NBAS: variants seen among roughly 807,000 people sequenced by gnomAD.
The protein encoded by NBAS is NAG/BC035112 fusion.
A neutral mutation model predicts 302.5 loss-of-function variants in NBAS; 219 were observed. That is an observed-to-expected ratio of 0.72 (90% CI 0.65 to 0.81). The LOEUF (loss-of-function observed/expected upper bound fraction) is 0.81. Ranked by LOEUF, NBAS falls within the 30% of genes least tolerant of loss-of-function variation. NBAS has a pLI of 0.00. For synonymous variants in NBAS, 1,118 were observed against 1,021.6 expected, an observed-to-expected ratio of 1.09 and a Z score of -1.80; for missense variants, 2,932 against 2,841.6, an observed-to-expected ratio of 1.03 and a Z score of -0.72.
chr2:14,926,292 A>G, the NBAS span, among the ~76,000 whole-genome samples: 1 of 152,074 alleles, frequency 6.6e-6, no homozygotes, highest in African/African-American at 2.4e-5. Flanking sequence ...CCCTTCTATC[A>G]CACACTTACT....
At chr2:15,277,973 C>T (rs1669662621) in intron 42 of NBAS, among the ~76,000 whole-genome samples, 1 of 152,098 alleles carries the variant, frequency 6.6e-6, no homozygotes, top group Non-Finnish European at 1.5e-5. Context: ...CCTGCATTCA[C>T]AGAAGTACCC....
At chr2:14,780,329 T>C in the NBAS span, among the ~76,000 whole-genome samples, 1 of 152,236 alleles carries the variant, frequency 6.6e-6, no homozygotes, top group African/African-American at 2.4e-5. Context: ...GTAATTGCTA[T>C]TTATGCAGCA....
chr2:15,224,428 G>T (rs1667075014), intron 47 of NBAS, among the ~76,000 whole-genome samples: 1 of 152,186 alleles, frequency 6.6e-6, no homozygotes, highest in Non-Finnish European at 1.5e-5. Flanking sequence ...ACACATTTGA[G>T]ATTTCTTGTA....
chr2:15,534,421 G>T, intron 9 of NBAS, 122 bp downstream of exon 9: 1 of 786,962 alleles, frequency 1.3e-6, no homozygotes, highest in South Asian at 1.4e-5. Flanking sequence ...AGATATTAAA[G>T]ATAACTACGC....
chr2:15,130,873 G>T, the NBAS span, among the ~76,000 whole-genome samples: 1 of 152,150 alleles, frequency 6.6e-6, no homozygotes, highest in Non-Finnish European at 1.5e-5. Context: ...CTCCACAGTG[G>T]TACGTGTCTC....
At chr2:15,502,780 T>C (rs1661641192) in intron 11 of NBAS, among the ~76,000 whole-genome samples, 1 of 152,212 alleles carries the variant, frequency 6.6e-6, no homozygotes, top group Non-Finnish European at 1.5e-5. Flanking sequence ...AGAAACACTG[T>C]ACACTTAGGC....
At chr2:15,165,566 G>T (rs1202371386), downstream of NBAS, among the ~76,000 whole-genome samples, 1 of 152,220 alleles carries the variant, frequency 6.6e-6, no homozygotes, top group Non-Finnish European at 1.5e-5. Context: ...GCGGAAATGA[G>T]GTGAAGCCGA....
chr2:15,503,074 G>T (rs1442194567), intron 11 of NBAS, among the ~76,000 whole-genome samples: 1 of 152,018 alleles, frequency 6.6e-6, no homozygotes, highest in African/African-American at 2.4e-5. Flanking sequence ...GGCCAACACA[G>T]GGTCAGGATC....
chr2:15,117,195 C>T, the NBAS span, among the ~76,000 whole-genome samples: 2 of 152,150 alleles, frequency 1.3e-5, no homozygotes, highest in East Asian at 1.9e-4. Context: ...TAAATAAACC[C>T]GCCGTCCCCA....
the NBAS span, among the ~76,000 whole-genome samples, chr2:15,093,241 C>T: frequency 1.8e-3 from 269 of 152,200 alleles, 1 homozygote; most frequent in Non-Finnish European, 3.4e-3. Context: ...CATGGTAAAA[C>T]CCCGTCTCTA....
chr2:15,499,901 T>A (rs938538329), intron 11 of NBAS, among the ~76,000 whole-genome samples: 1 of 152,092 alleles, frequency 6.6e-6, no homozygotes, highest in Admixed American at 6.6e-5. Context: ...GAAATTGTCA[T>A]GAAATACGGC....
chr2:15,104,473 C>A, the NBAS span, among the ~76,000 whole-genome samples: 1 of 151,130 alleles, frequency 6.6e-6, no homozygotes, highest in African/African-American at 2.4e-5. Flanking sequence ...CAGGAGCAAA[C>A]GGTGTTACAG....
chr2:14,899,916 A>T, the NBAS span, among the ~76,000 whole-genome samples: 3 of 152,150 alleles, frequency 2.0e-5, no homozygotes, highest in African/African-American at 2.4e-5. Flanking sequence ...CATTCCACAA[A>T]GTAAAAGTTG....
At chr2:14,898,610 C>T in the NBAS span, among the ~76,000 whole-genome samples, 155 of 152,264 alleles carry the variant, frequency 1.0e-3, no homozygotes, top group African/African-American at 3.5e-3. Flanking sequence ...GGTGGTTTCC[C>T]CCACACTGTT....
intron 35 of NBAS, 115 bp downstream of exon 35, chr2:15,351,869 TGCACACAC>T: frequency 1.6e-6 from 1 of 644,850 alleles, no homozygotes. Flanking sequence ...GTGGTCTGCA[TGCACACAC>T]ACACACACAC....
intron 44 of NBAS, among the ~76,000 whole-genome samples, chr2:15,261,306 G>A (rs1236371280): frequency 1.3e-5 from 2 of 152,144 alleles, no homozygotes; most frequent in African/African-American, 4.8e-5. Context: ...GTTAAGTGCT[G>A]TTTATAAATC....
At chr2:15,300,501 T>A (rs900699188) in intron 40 of NBAS, among the ~76,000 whole-genome samples, 1 of 152,156 alleles carries the variant, frequency 6.6e-6, no homozygotes, top group Admixed American at 6.5e-5. Flanking sequence ...ACATCCAACA[T>A]CCAACTATCA....
intron 35 of NBAS, among the ~76,000 whole-genome samples, chr2:15,338,674 T>TACACACACACAC (rs70961409): frequency 0.043 from 5,744 of 134,722 alleles, 198 homozygotes; most frequent in Middle Eastern, 0.068. Context: ...AACACACACA[T>TACACACACACAC]ACACACACAC....
the NBAS span, among the ~76,000 whole-genome samples, chr2:14,958,078 C>T: frequency 6.6e-6 from 1 of 152,346 alleles, no homozygotes; most frequent in South Asian, 2.1e-4. Flanking sequence ...TGTCCTTTAA[C>T]TTGCCATGTG....
Sources: allele counts gnomAD v4.1 joint callset (sites outside exome capture counted in the v4.1 genomes callset), GRCh38; gene constraint gnomAD v4.1.1; transcripts MANE v1.5; gene names NCBI Gene and HGNC (gene_info 2026-07-23, HGNC 2026-07-21).